The following ZNFX1 variants were observed in gnomAD, a reference collection of about 807,000 sequenced individuals.
ZNFX1 encodes NFX1-type zinc finger-containing protein 1.
ZNFX1 carries 78 observed loss-of-function variants against 179.8 expected under a neutral mutation model. The ratio of observed to expected loss-of-function variants is 0.43; its 90% CI spans 0.36 to 0.52. The LOEUF (loss-of-function observed/expected upper bound fraction) is 0.52, where lower values mean the gene tolerates loss of function less well. Among genes scored for constraint, ZNFX1 ranks in the 20% least tolerant of loss-of-function variants. The pLI, the probability that ZNFX1 is intolerant of heterozygous loss-of-function variation, is 0.00. For synonymous variants in ZNFX1, 848 were observed against 868.5 expected (o/e 0.98, Z 0.42); for missense variants, 1,927 against 2,386.6 (o/e 0.81, Z 4.01).
chr20:49,275,225 C>CT (rs1981527270), intron 2 of ZNFX1, among the ~76,000 whole-genome samples: 1 of 152,232 alleles, frequency 6.6e-6, no homozygotes, highest in African/African-American at 2.4e-5. Flanking sequence ...TTCTGAAACT[C>CT]TATCACTGTT....
chr20:49,246,772 G>T lies in ZNFX1; in HGVS notation c.*495C>A. On this transcript the variant is annotated 3_prime_UTR_variant, in exon 14 of 14. Transcript: ENST00000396105. ...TTTGTTAACTTTGCTCTCAGTTCTG[G>T]AGATAAAGTGCTTACTCTAGCGCAG... is the stretch of plus-strand genomic sequence containing the variant. The T allele has an allele frequency of 2.3e-6, 1 of 440,882 alleles. No homozygotes were observed. Among genetic ancestry groups the T allele is most frequent in the Admixed American group, 2.6e-5 (1 of 38,562 alleles). 27.3% of individuals were successfully genotyped at this position (440,882 alleles called of 1,614,324 possible).
intron 8 of ZNFX1, among the ~76,000 whole-genome samples, chr20:49,256,859 G>A (rs1050357491): frequency 1.3e-5 from 2 of 152,108 alleles, no homozygotes; most frequent in African/African-American, 4.8e-5. Context: ...TCTAATCCTC[G>A]ATCATCATAG....
chr20:49,272,900 T>C (rs1981454155), intron 2 of ZNFX1, among the ~76,000 whole-genome samples: 1 of 152,178 alleles, frequency 6.6e-6, no homozygotes, highest in African/African-American at 2.4e-5. Context: ...AAGTCCAGTT[T>C]TTTTCACTTT....
Position 49,270,205 on chromosome 20 carries a change from A to G in ZNFX1, c.1607T>C (p.Ile536Thr). 6.2e-7 allele frequency: 1 copy of G among 1,614,036 alleles called. No homozygotes were observed. Among genetic ancestry groups the G allele is most frequent in the East Asian group, 2.2e-5 (1 of 44,888 alleles). ...QEEDVPFQRN[I>T]VECNSHVKEP... ...CTTCACATGAGAGTTACACTCCACG[A>G]TATTCCTCTGGAAGGGAACATCTTC... is the stretch of plus-strand genomic sequence containing the variant. The change falls in exon 3 of 14, where the codon ATC (isoleucine) becomes ACC (threonine). Residue 536 changes from isoleucine to threonine, a missense_variant. By Grantham distance (89) the Ile-to-Thr change is moderately conservative (BLOSUM62 -1). Coordinates refer to ENST00000396105, the MANE Select transcript of ZNFX1 (RefSeq NM_021035.3). The surrounding 1 kb of genome is among the most constrained non-coding windows in gnomAD (Gnocchi z 4.6).
chr20:49,255,102 T>G (rs1340739018), intron 9 of ZNFX1, among the ~76,000 whole-genome samples: 1 of 149,986 alleles, frequency 6.7e-6, no homozygotes, highest in Non-Finnish European at 1.5e-5. Context: ...TGGAGTGCAA[T>G]GGCGTGATCT....
rs981975052 is a variant in ZNFX1 at position 49,270,683 on chromosome 20, G to A, written c.1129C>T (p.Arg377Ter). The A allele has an allele frequency of 1.2e-6, 2 of 1,614,128 alleles. No individual in the cohort carries two copies. The highest frequency in any genetic ancestry group is 1.7e-6 in the Non-Finnish European group (2 of 1,180,036). Residue 377 changes from arginine to a stop codon, truncating the protein, a stop_gained, in exon 3 of 14, where the codon CGA becomes TGA. Transcript: ENST00000396105. LOFTEE classifies it high-confidence loss of function. The surrounding 1 kb of genome is among the most constrained non-coding windows in gnomAD (Gnocchi z 4.6). ...CGTAAAGGTCTGACGAAATCTTCTCGCAGGAGCCGGAAGTGGGTATCCAGA... is the reference window on the plus strand; with the variant it reads ...CGTAAAGGTCTGACGAAATCTTCTCACAGGAGCCGGAAGTGGGTATCCAGA... ...IYLDTHFRLL[R>*]EDFVRPLREG...
intron 5 of ZNFX1, among the ~76,000 whole-genome samples, chr20:49,263,989 C>T (rs559666731): frequency 6.6e-6 from 1 of 151,596 alleles, no homozygotes; most frequent in East Asian, 2.0e-4. Context: ...TTTGGGAGGC[C>T]GAGGCGGGTG....
Position 49,270,803 on chromosome 20 carries a change from G to A in ZNFX1, c.1009C>T (p.Pro337Ser). The A allele has an allele frequency of 5.0e-6, 8 of 1,614,186 alleles. No homozygotes were observed. The highest frequency in any genetic ancestry group is 5.9e-6 in the Non-Finnish European group (7 of 1,180,036). Residue 337 changes from proline to serine, a missense_variant, in exon 3 of 14, where the codon CCC becomes TCC. Physicochemically the swap from Pro to Ser is moderately conservative, Grantham distance 74. Coordinates refer to ENST00000396105, the MANE Select transcript of ZNFX1 (RefSeq NM_021035.3). The surrounding 1 kb of genome is among the most constrained non-coding windows in gnomAD (Gnocchi z 4.6). ...EDHVESYRTMPIYPTYNEVHL... is the reference protein window; with the variant it reads ...EDHVESYRTMSIYPTYNEVHL... ...ACTTCATTGTAGGTAGGGTAAATGG[G>A]CATGGTTCGGTAGCTCTCAACATGG... is the stretch of plus-strand genomic sequence containing the variant.
At chr20:49,263,300 G>C (rs769925835) in intron 6 of ZNFX1, 34 bp downstream of exon 6, 8 of 1,607,934 alleles carry the variant, frequency 5.0e-6, no homozygotes, top group Non-Finnish European at 3.4e-6. Flanking sequence ...ACTGAGGCCA[G>C]AGACATATTT....
chr20:49,277,899 G>A (rs1013938782), intron 1 of ZNFX1, 122 bp downstream of exon 1: 2 of 153,926 alleles, frequency 1.3e-5, no homozygotes, highest in Non-Finnish European at 2.9e-5. Flanking sequence ...TGACGGGTGC[G>A]TTGGGGGCTT....
chr20:49,250,771 C>CA (rs1980816494), intron 13 of ZNFX1, among the ~76,000 whole-genome samples: 3 of 152,050 alleles, frequency 2.0e-5, no homozygotes, highest in African/African-American at 7.2e-5. Flanking sequence ...AGGCTAGTCT[C>CA]CAACTCCTGA....
At chr20:49,273,484 A>G (rs1040276515) in intron 2 of ZNFX1, among the ~76,000 whole-genome samples, 2 of 152,216 alleles carry the variant, frequency 1.3e-5, no homozygotes, top group Non-Finnish European at 2.9e-5. Context: ...TAAATGATCT[A>G]CAACTGAACT....
At chr20:49,254,811 CAA>C (rs1335043603) in intron 9 of ZNFX1, among the ~76,000 whole-genome samples, 162 bp from the exon 10 acceptor site, 3 of 151,958 alleles carry the variant, frequency 2.0e-5, no homozygotes, top group Non-Finnish European at 4.4e-5. Flanking sequence ...AAATGCCCAA[CAA>C]AAAGATGTGC....
chr20:49,247,733 G>A lies in ZNFX1; in HGVS notation c.5291C>T (p.Thr1764Ile), dbSNP rs759741819. The A allele has an allele frequency of 3.1e-6, 5 of 1,614,078 alleles. No homozygotes were observed. Among genetic ancestry groups the A allele is most frequent in the Non-Finnish European group, 4.2e-6 (5 of 1,180,042 alleles). ...GCGGGTCAGAAGGTTCACCAGGTAT[G>A]TGAGCCTCTGGATTTCACTTCGGAG... ...SDLRSEIQRL[T>I]YLVNLLTRYK... The change falls in exon 14 of 14, where the codon ACA becomes ATA. Residue 1764 changes from threonine to isoleucine, a missense_variant. Transcript: ENST00000396105.
At position 49,275,701 on chromosome 20, in the gene ZNFX1, C is replaced by T. The variant is rs1981539998; in HGVS notation, c.61+78G>A. On this transcript the variant is annotated intron_variant, in intron 2 of 13. Transcript: ENST00000396105. ...GAGATGCAGACAATCTTAGGTAGGC[C>T]TGCTCATTTATAGAGAGCCCTATTT... 3 of 1,367,444 alleles carry T rather than the reference C, an allele frequency of 2.2e-6. No individual in the cohort carries two copies. The Admixed American group carries it at 5.2e-5, about 24-fold the overall frequency. 84.7% of individuals were successfully genotyped at this position (1,367,444 alleles called of 1,614,324 possible). A position where few individuals can be genotyped will look rare whatever the true frequency, so the allele number is the denominator to read the frequency against.
At chr20:49,258,061 G>A (rs895093754) in intron 7 of ZNFX1, among the ~76,000 whole-genome samples, 22 of 151,072 alleles carry the variant, frequency 1.5e-4, no homozygotes, top group African/African-American at 5.3e-4. Context: ...ACCTGCAAGA[G>A]CTCAGATGCA....
intron 6 of ZNFX1, 75 bp downstream of exon 6, chr20:49,263,259 C>A (rs1981156607): frequency 5.8e-6 from 9 of 1,552,756 alleles, no homozygotes; most frequent in African/African-American, 1.4e-5. Context: ...AAGTTTTGGA[C>A]TGATGCTTCT....
Position 49,266,195 on chromosome 20 carries a change from G to C in ZNFX1, c.1942C>G (p.Gln648Glu). 2 of 1,613,242 alleles carry C rather than the reference G, an allele frequency of 1.2e-6. No individual in the cohort carries two copies. The highest frequency in any genetic ancestry group is 1.7e-6 in the Non-Finnish European group (2 of 1,179,698). ...CACACAACCAAGATGGGGAACTTCT[G>C]GAGGCTAATTTGCCAAACAGACTCG... ...TNESVWQISL[Q>E]KFPILVVCYT... The change falls in exon 4 of 14, where the codon CAG becomes GAG. Residue 648 changes from glutamine (Q) to glutamate (E), a missense_variant. Transcript: ENST00000396105.
At position 49,271,642 on chromosome 20, in the gene ZNFX1, T is replaced by C. The variant is rs1370718048; in HGVS notation, c.170A>G (p.Asn57Ser). 3 of 1,613,942 alleles carry C rather than the reference T, an allele frequency of 1.9e-6. No individual in the cohort carries two copies. Among genetic ancestry groups the C allele is most frequent in the African/African-American group, 1.3e-5 (1 of 74,898 alleles). The change falls in exon 3 of 14, where the codon AAC becomes AGC. Residue 57 changes from asparagine to serine, a missense_variant. Physicochemically the swap from Asn to Ser is conservative, Grantham distance 46 (BLOSUM62 1). Transcript: ENST00000396105. ...ASHPGRHPRANNHPAAYWQRE... is the reference protein window; with the variant it reads ...ASHPGRHPRASNHPAAYWQRE... ...CTGCCAGTAAGCAGCAGGATGGTTG[T>C]TGGCCCTAGGATGCCTTCCAGGGTG...
Sources: allele counts gnomAD v4.1 joint callset (sites outside exome capture counted in the v4.1 genomes callset), GRCh38; gene constraint gnomAD v4.1.1; non-coding constraint Gnocchi (gnomAD v3.1); transcripts MANE v1.5; gene names NCBI Gene and HGNC (gene_info 2026-07-23, HGNC 2026-07-21).